Variants in HIP1R observed in about 807,000 individuals in gnomAD.
The protein encoded by HIP1R is huntingtin-interacting protein 1-related protein.
Under a neutral mutation model 144.2 loss-of-function variants are expected in HIP1R, and 135 were observed. That is an observed-to-expected ratio of 0.94 (90% confidence interval 0.81 to 1.08). The LOEUF (loss-of-function observed/expected upper bound fraction) is 1.08. Among genes scored for constraint, HIP1R ranks in the 50% least tolerant of loss-of-function variants. The probability of loss-of-function intolerance (pLI) is 0.00; values close to 1 mark genes in which losing one functional copy is unlikely to be tolerated. For missense variants in HIP1R, 1,462 were observed against 1,432.8 expected (o/e 1.02, Z -0.33); for synonymous variants, 698 against 612.8 (o/e 1.14, Z -2.05).
rs930208311 is a variant in HIP1R at position 122,855,770 on chromosome 12, G to A, written c.1056-61G>A. ...GCCACTGAGGAGGAGACAGGTTCCT[G>A]TGCTGGGTCTGTTGACTGTTCTGGT... On this transcript the variant is annotated intron_variant, in intron 12 of 31. Transcript: ENST00000253083. The A allele has an allele frequency of 5.4e-5, 83 of 1,534,988 alleles. 1 individual carries two copies. The highest frequency in any genetic ancestry group is 1.8e-4 in the Admixed American group (9 of 50,776).
rs949729172 is a variant in HIP1R at position 122,835,528 on chromosome 12, C to T, written c.-23C>T. 1.5e-6 allele frequency: 2 copies of T among 1,331,130 alleles called. No individual in the cohort carries two copies. The highest frequency in any genetic ancestry group is 1.9e-6 in the Non-Finnish European group (2 of 1,033,158). 82.5% of individuals were successfully genotyped at this position (1,331,130 alleles called of 1,614,324 possible). On this transcript the variant is annotated 5_prime_UTR_variant, in exon 1 of 32. Transcript: ENST00000253083. ...TGTGAGTCGCGCGGACGGAGCCGGA[C>T]AAAAGCGGGCGGCGGCGGCAGGATG... is the stretch of plus-strand genomic sequence containing the variant.
At chr12:122,859,004 G>A in intron 21 of HIP1R, 57 bp from the exon 22 acceptor site, 2 of 1,598,024 alleles carry the variant, frequency 1.3e-6, no homozygotes, top group Middle Eastern at 3.3e-4. Context: ...TCCCCTGGGG[G>A]TCCTTATGGA....
At chr12:122,847,748 G>T (rs375548731) in intron 1 of HIP1R, among the ~76,000 whole-genome samples, 1 of 152,164 alleles carries the variant, frequency 6.6e-6, no homozygotes, top group African/African-American at 2.4e-5. Context: ...GAGTCAAGTC[G>T]TGCAGGTTTT....
At position 122,856,130 on chromosome 12, in the gene HIP1R, G is replaced by C. The variant is rs753095694; in HGVS notation, c.1279G>C (p.Glu427Gln). Residue 427 changes from glutamate (E) to glutamine (Q), a missense_variant, in exon 14 of 32, where the codon GAG (glutamate) becomes CAG (glutamine). Physicochemically the swap from Glu to Gln is conservative, Grantham distance 29. Coordinates refer to ENST00000253083, the MANE Select transcript of HIP1R (RefSeq NM_003959.3). ...AQLRAAQLEG[E>Q]RSQGLREEAE... is the part of the protein sequence containing the mutation. ...GCTGAGGGCTGCCCAGCTGGAGGGC[G>C]AGCGGAGCCAGGGCCTGCGTGAGGA... The C allele has an allele frequency of 1.9e-6, 3 of 1,591,058 alleles. No homozygotes were observed. The highest frequency in any genetic ancestry group is 2.6e-6 in the Non-Finnish European group (3 of 1,169,252).
In HIP1R at chr12:122,858,455, G is replaced by A; in HGVS notation, c.2050+20G>A. Reference sequence around the variant, plus strand: ...TGGCAGGTGAGTGTAGCCAGGGCAGGGCGGAGGCGGGGGCTGTGTCCCAGT... The same window carrying A: ...TGGCAGGTGAGTGTAGCCAGGGCAGAGCGGAGGCGGGGGCTGTGTCCCAGT... On this transcript the variant is annotated intron_variant, in intron 20 of 31. Transcript: ENST00000253083. 6.4e-7 allele frequency: 1 copy of A among 1,567,900 alleles called. No homozygotes were observed.
intron 18 of HIP1R, chr12:122,857,856 C>A: frequency 4.9e-6 from 2 of 410,024 alleles, no homozygotes; most frequent in East Asian, 7.2e-5. Context: ...TCATGAGCTA[C>A]CTGGCCATTT....
chr12:122,854,083 G>T lies in HIP1R; in HGVS notation c.618G>T (p.Met206Ile), dbSNP rs1566108513. The change falls in exon 8 of 32, where the codon ATG becomes ATT. Residue 206 changes from methionine (M) to isoleucine (I), a missense_variant. By Grantham distance (10) the Met-to-Ile change is conservative (BLOSUM62 1). Coordinates refer to ENST00000253083, the MANE Select transcript of HIP1R (RefSeq NM_003959.3). ...QLNTAIAVSQ[M>I]SSGQCRLAPL... The stretch of plus-strand genomic sequence containing the variant: ...ACACGGCCATCGCCGTATCCCAGAT[G>T]TCCTCAGGCCAGTGCCGCCTGGCCC... 6.2e-7 allele frequency: 1 copy of T among 1,613,804 alleles called. No individual in the cohort carries two copies. Among genetic ancestry groups the T allele is most frequent in the East Asian group, 2.2e-5 (1 of 44,864 alleles).
intron 7 of HIP1R, 76 bp from the exon 8 acceptor site, chr12:122,853,967 T>G: frequency 6.6e-7 from 1 of 1,519,154 alleles, no homozygotes; most frequent in Non-Finnish European, 8.9e-7. Flanking sequence ...AGGGCCCTGC[T>G]TCACAGTTGG....
rs761850482 is a variant in HIP1R, at chr12:122,848,495, G to A, written c.187G>A (p.Gly63Arg). 6.2e-7 allele frequency: 1 copy of A among 1,613,232 alleles called. No individual in the cohort carries two copies. The highest frequency in any genetic ancestry group is 8.5e-7 in the Non-Finnish European group (1 of 1,179,886). ...RIILGTHHEK[G>R]AFTFWSYAIG... ...CATTCTGGGCACACACCACGAGAAGGGGGCTTTCACCTTCTGGTCCTACGC... is the reference window on the plus strand; with the variant it reads ...CATTCTGGGCACACACCACGAGAAGAGGGCTTTCACCTTCTGGTCCTACGC... Residue 63 changes from glycine (G) to arginine (R), a missense_variant, in exon 3 of 32, where the codon GGG (glycine) becomes AGG (arginine). Coordinates refer to ENST00000253083, the MANE Select transcript of HIP1R (RefSeq NM_003959.3).
At chr12:122,855,664 C>G in intron 12 of HIP1R, 52 bp downstream of exon 12, 1 of 1,539,244 alleles carries the variant, frequency 6.5e-7, no homozygotes, top group Non-Finnish European at 8.8e-7. Flanking sequence ...ACGGGCTCAG[C>G]TGAGCTGTGC....
intron 18 of HIP1R, 99 bp from the exon 19 acceptor site, chr12:122,858,003 C>G (rs557960496): frequency 1.8e-6 from 2 of 1,102,212 alleles, no homozygotes; most frequent in Non-Finnish European, 1.3e-6. Context: ...AGGGTCTCAG[C>G]TGGGCTCCAA....
rs778880082 is a variant in HIP1R at position 122,856,484 on chromosome 12, T to A, written c.1454T>A (p.Val485Glu). The change falls in exon 16 of 32, where the codon GTG (valine) becomes GAG (glutamate). Residue 485 changes from valine (V) to glutamate (E), a missense_variant. Transcript: ENST00000253083. ...LTVTQQSQEE[V>E]ARVKEQLAFQ... ...GTGACGCAGCAAAGCCAGGAGGAGG[T>A]GGCGCGGGTGAAGGAGCAGCTGGCC... is the stretch of plus-strand genomic sequence containing the variant. 6.3e-6 allele frequency: 10 copies of A among 1,587,946 alleles called. No homozygotes were observed. In the African/African-American group the frequency reaches 1.3e-4, roughly 21 times the overall value.
rs936418980 is a variant in HIP1R, at chr12:122,850,902, T to C, written c.506T>C (p.Val169Ala). Residue 169 changes from valine to alanine, a missense_variant, in exon 6 of 32, where the codon GTC (valine) becomes GCC (alanine). Around this residue, in one of 2 missense-constraint regions of HIP1R, gnomAD observed 350 missense variants for 421.1 expected, o/e 0.83. Transcript: ENST00000253083. Reference sequence around the variant, plus strand: ...CTGGAGAAGGCAGCTGGGACCGATGTCAACAACATGTGAGTCACTCTGCAT... The same window carrying C: ...CTGGAGAAGGCAGCTGGGACCGATGCCAACAACATGTGAGTCACTCTGCAT... Reference protein sequence around the residue: ...EVLEKAAGTDVNNIFQLTVEM... With the variant: ...EVLEKAAGTDANNIFQLTVEM... The C allele has an allele frequency of 6.2e-6, 10 of 1,610,372 alleles. No homozygotes were observed. Among genetic ancestry groups the C allele is most frequent in the Non-Finnish European group, 7.6e-6 (9 of 1,178,644 alleles).
At position 122,844,427 on chromosome 12, in the gene HIP1R, C is replaced by G. The variant is rs61520028; in HGVS notation, c.94-3604C>G. On this transcript the variant is annotated intron_variant, in intron 1 of 31. Coordinates refer to ENST00000253083, the MANE Select transcript of HIP1R (RefSeq NM_003959.3). ...AGGCGTGCGCCACTGTGCCTGGTCCCCCTCCATTATCACTTCTGTCCTGCT... is the reference window on the plus strand; with the variant it reads ...AGGCGTGCGCCACTGTGCCTGGTCCGCCTCCATTATCACTTCTGTCCTGCT... 3.0e-3 allele frequency among the ~76,000 whole-genome samples: 464 copies of G among 152,320 alleles called. 2 individuals are homozygous for G. Among genetic ancestry groups the G allele is most frequent in the African/African-American group, 0.011 (445 of 41,560 alleles).
chr12:122,847,216 G>A (rs1203049218), intron 1 of HIP1R, among the ~76,000 whole-genome samples: 1 of 151,702 alleles, frequency 6.6e-6, no homozygotes, highest in Non-Finnish European at 1.5e-5. Flanking sequence ...CCAGGGCCGG[G>A]TTGTAGTGAT....
chr12:122,853,924 G>A, intron 7 of HIP1R, 119 bp from the exon 8 acceptor site: 1 of 1,207,826 alleles, frequency 8.3e-7, no homozygotes, highest in Non-Finnish European at 1.1e-6. Flanking sequence ...CGTCTTGGAG[G>A]CAGGGGGCAC....
Position 122,836,359 on chromosome 12 carries a change from CCCTT to C in HIP1R, c.93+720_93+723del, listed in dbSNP as rs1431003007. On this transcript the variant is annotated intron_variant, in intron 1 of 31. Transcript: ENST00000253083. This position sits in a 1 kb window ranked among gnomAD's most constrained non-coding sequence, Gnocchi z 4.1. Reference sequence around the variant, plus strand: ...CGACAGACAGAAACTTCCTGGGGCTCCCTTCCTGCGCCTCCCACGCTTGTAACTC... The same window carrying C: ...CGACAGACAGAAACTTCCTGGGGCTCCCTGCGCCTCCCACGCTTGTAACTC... Among the ~76,000 whole-genome samples the C allele has an allele frequency of 6.6e-6, 1 of 152,140 alleles. No individual in the cohort carries two copies. Among genetic ancestry groups the C allele is most frequent in the African/African-American group, 2.4e-5 (1 of 41,434 alleles).
At chr12:122,842,926 C>T (rs1490439482) in intron 1 of HIP1R, among the ~76,000 whole-genome samples, 1 of 152,234 alleles carries the variant, frequency 6.6e-6, no homozygotes, top group Non-Finnish European at 1.5e-5. Context: ...CAGGTGTATC[C>T]TGAGGGCTTG....
intron 1 of HIP1R, among the ~76,000 whole-genome samples, chr12:122,846,435 C>T (rs1013885873): frequency 2.0e-5 from 3 of 152,176 alleles, no homozygotes; most frequent in African/African-American, 7.2e-5. Flanking sequence ...ACTCAGGATC[C>T]TTATCATCAT....
Sources: gnomAD v4.1 joint callset for allele counts (sites outside exome capture counted in the v4.1 genomes callset) on GRCh38, gnomAD v4.1.1 for gene constraint, gnomAD v4.1.1 regional missense constraint, Gnocchi (gnomAD v3.1) non-coding constraint, MANE v1.5 for transcripts, NCBI Gene and HGNC (gene_info 2026-07-23, HGNC 2026-07-21) for gene names.